The following ZBTB20 variants were observed in gnomAD, a reference collection of about 807,000 sequenced individuals.
The protein encoded by ZBTB20 is zinc finger and BTB domain-containing protein 20.
Under a neutral mutation model 56.9 loss-of-function variants are expected in ZBTB20, and 9 were observed. That is an observed-to-expected ratio of 0.16 (90% confidence interval 0.10 to 0.28). The LOEUF is 0.28. Ranked by LOEUF, ZBTB20 falls within the 10% of genes least tolerant of loss-of-function variation. ZBTB20 has a pLI of 1.00. For synonymous variants in ZBTB20, 417 were observed against 420.7 expected (o/e 0.99, Z 0.11); for missense variants, 655 against 1,003.0 (o/e 0.65, Z 4.69).
intron 1 of ZBTB20, among the ~76,000 whole-genome samples, chr3:115,085,526 G>A (rs2082953091): frequency 6.6e-6 from 1 of 151,916 alleles, no homozygotes; most frequent in Non-Finnish European, 1.5e-5. Flanking sequence ...AGAGGTAAAA[G>A]AGCAAAAACT....
At chr3:114,374,439 C>T (rs1420618586) in intron 10 of ZBTB20, among the ~76,000 whole-genome samples, 1 of 152,174 alleles carries the variant, frequency 6.6e-6, no homozygotes. Context: ...GGTTGTTATT[C>T]CATTCCATTT....
intron 1 of ZBTB20, among the ~76,000 whole-genome samples, 141 bp from the exon 2 acceptor site, chr3:115,071,555 A>G (rs72943885): frequency 0.15 from 22,612 of 152,178 alleles, 3,262 homozygotes; most frequent in African/African-American, 0.38. Context: ...GATAATTCCC[A>G]TGTTTATGCT....
intron 7 of ZBTB20, among the ~76,000 whole-genome samples, chr3:114,424,751 T>C (rs2089498630): frequency 6.6e-6 from 1 of 152,106 alleles, no homozygotes; most frequent in Admixed American, 6.5e-5. Context: ...TAGGAGGTCT[T>C]CCTAAAGAAA....
At chr3:114,492,223 CTA>C (rs932137582) in intron 7 of ZBTB20, among the ~76,000 whole-genome samples, 2 of 152,192 alleles carry the variant, frequency 1.3e-5, no homozygotes, top group African/African-American at 4.8e-5. Context: ...TCATTTACCA[CTA>C]TATGTCGATT....
chr3:114,782,044 T>A (rs1200211658), intron 5 of ZBTB20, among the ~76,000 whole-genome samples: 1 of 152,144 alleles, frequency 6.6e-6, no homozygotes, highest in Admixed American at 6.5e-5. Context: ...AGAAGAGGCT[T>A]AGCAGGATGC....
chr3:114,958,845 T>C (rs777452286), intron 3 of ZBTB20, among the ~76,000 whole-genome samples: 2 of 149,712 alleles, frequency 1.3e-5, no homozygotes, highest in Non-Finnish European at 3.0e-5. Flanking sequence ...AGTGAGAGTC[T>C]GTCTCAGAAA....
intron 7 of ZBTB20, among the ~76,000 whole-genome samples, chr3:114,431,735 T>C (rs2090139393): frequency 6.6e-6 from 1 of 152,148 alleles, no homozygotes; most frequent in Non-Finnish European, 1.5e-5. Flanking sequence ...CCTAAAGTTC[T>C]GGGTATTTGT....
At chr3:114,554,412 T>A (rs369598838) in intron 6 of ZBTB20, among the ~76,000 whole-genome samples, 3 of 152,176 alleles carry the variant, frequency 2.0e-5, no homozygotes, top group East Asian at 3.8e-4. Flanking sequence ...CAAGGGCTAT[T>A]TTCAGAAGGG....
chr3:114,451,125 G>A (rs1237539588), intron 7 of ZBTB20, among the ~76,000 whole-genome samples: 2 of 151,450 alleles, frequency 1.3e-5, no homozygotes, highest in African/African-American at 4.9e-5. Context: ...TACTTTCCAA[G>A]GGTGCTCAGC....
intron 7 of ZBTB20, among the ~76,000 whole-genome samples, chr3:114,438,445 A>C (rs950708547): frequency 2.0e-5 from 3 of 148,316 alleles, no homozygotes; most frequent in African/African-American, 7.5e-5. Flanking sequence ...CCAAAAAAAA[A>C]CAAAACAAAA....
intron 7 of ZBTB20, among the ~76,000 whole-genome samples, chr3:114,451,135 C>T (rs2091580811): frequency 1.3e-5 from 2 of 150,280 alleles, no homozygotes; most frequent in African/African-American, 4.9e-5. Flanking sequence ...GGGTGCTCAG[C>T]TGGCCTCACA....
chr3:114,858,802 T>A (rs2075360092), intron 4 of ZBTB20, among the ~76,000 whole-genome samples: 1 of 152,152 alleles, frequency 6.6e-6, no homozygotes, highest in Non-Finnish European at 1.5e-5. Flanking sequence ...CACCAAAATA[T>A]CTTGTATTTT....
At chr3:114,734,536 T>G (rs1349611358) in intron 5 of ZBTB20, among the ~76,000 whole-genome samples, 2 of 152,092 alleles carry the variant, frequency 1.3e-5, no homozygotes, top group Non-Finnish European at 2.9e-5. Flanking sequence ...TGAAAGCAAT[T>G]TTACCATAGA....
In ZBTB20 at chr3:114,744,505, T is replaced by G. The variant is rs1450372646; in HGVS notation, c.-342-50930A>C. 3.9e-5 allele frequency among the ~76,000 whole-genome samples: 6 copies of G among 152,180 alleles called. No homozygotes were observed. In the East Asian group the frequency reaches 1.2e-3, roughly 29 times the overall value. ...CTCTATCTTTTTACTGTAATTTATC[T>G]GATATAGCTACCAAGATGCTTGATA... On this transcript the variant is annotated intron_variant, in intron 5 of 11. Transcript: ENST00000675478.
At chr3:114,576,661 G>GAC (rs2054091787) in intron 6 of ZBTB20, among the ~76,000 whole-genome samples, 1 of 150,002 alleles carries the variant, frequency 6.7e-6, no homozygotes. Context: ...CTTCATTAAT[G>GAC]ACAATAATTA....
chr3:115,080,977 T>C (rs532049404), intron 1 of ZBTB20, among the ~76,000 whole-genome samples: 2 of 152,242 alleles, frequency 1.3e-5, no homozygotes, highest in Non-Finnish European at 2.9e-5. Context: ...TGGCACAGAA[T>C]AGAAGAATAT....
At chr3:114,374,345 G>T (rs895303305) in intron 10 of ZBTB20, among the ~76,000 whole-genome samples, 1 of 152,200 alleles carries the variant, frequency 6.6e-6, no homozygotes, top group Non-Finnish European at 1.5e-5. Flanking sequence ...GCACTTAGTT[G>T]TACCAAAGAC....
At chr3:114,926,687 G>T (rs1437693569) in intron 3 of ZBTB20, among the ~76,000 whole-genome samples, 1 of 152,134 alleles carries the variant, frequency 6.6e-6, no homozygotes, top group Non-Finnish European at 1.5e-5. Flanking sequence ...CCATCAAATA[G>T]GTAAGAATGC....
At chr3:114,463,755 C>G (rs950823737) in intron 7 of ZBTB20, among the ~76,000 whole-genome samples, 3 of 152,180 alleles carry the variant, frequency 2.0e-5, no homozygotes, top group African/African-American at 4.8e-5. Flanking sequence ...TAGTCTACCT[C>G]AAAACAAATT....
Sources: gnomAD v4.1 joint callset for allele counts (sites outside exome capture counted in the v4.1 genomes callset) on GRCh38, gnomAD v4.1.1 for gene constraint, MANE v1.5 for transcripts, NCBI Gene and HGNC (gene_info 2026-07-23, HGNC 2026-07-21) for gene names.